The following ZNF26 variants were observed in gnomAD, a reference collection of about 807,000 sequenced individuals.
The protein encoded by ZNF26 is epididymis luminal protein 179.
In ZNF26, 32 loss-of-function variants were observed where a neutral mutation model predicts 54.9. The observed-to-expected ratio is 0.58, with a 90% confidence interval of 0.44 to 0.78. ZNF26 has a LOEUF of 0.78. Among genes scored for constraint, ZNF26 ranks in the 30% least tolerant of loss-of-function variants. The pLI, the probability that ZNF26 is intolerant of heterozygous loss-of-function variation, is 0.00. For missense variants in ZNF26, 524 were observed against 634.0 expected (o/e 0.83, Z 1.86); for synonymous variants, 221 against 209.2 (o/e 1.06, Z -0.49).
Position 133,014,293 on chromosome 12 carries a change from A to G in ZNF26, c.*2812A>G, listed in dbSNP as rs940926878. 1 of 152,336 alleles carries G rather than the reference A, an allele frequency of 6.6e-6. No individual in the cohort carries two copies. The highest frequency in any genetic ancestry group is 2.4e-5 in the African/African-American group (1 of 41,442). The allele number at this position is 152,336 out of a possible 1,614,324, so 9.4% of individuals were successfully genotyped here. ...CTGGTTACAGCGGTGCACACCTGCA[A>G]TCCCAGCTACTCAGGAGGTTGAGGC... On this transcript the variant is annotated 3_prime_UTR_variant, in exon 4 of 4. Transcript: ENST00000328654.
At chr12:132,987,146 A>G (rs1262806649) in intron 1 of ZNF26, among the ~76,000 whole-genome samples, 2 of 152,066 alleles carry the variant, frequency 1.3e-5, no homozygotes, top group East Asian at 3.9e-4. Flanking sequence ...CCATCATTTC[A>G]TGTTTTCTAC....
chr12:132,986,931 A>G, intron 1 of ZNF26, 58 bp downstream of exon 1: 16 of 1,542,932 alleles, frequency 1.0e-5, no homozygotes, highest in Non-Finnish European at 1.4e-5. Context: ...GGCCACGTTA[A>G]TCTCTTCAGG....
In ZNF26 at chr12:133,026,222, T is replaced by A. The variant is rs1953703287; in HGVS notation, c.*14741T>A. ...GTTCAAGCAGTTCTCTGCCTCAGCCTCCCAAGTAGCTGGGATTACAGGTGC... is the reference window on the plus strand; with the variant it reads ...GTTCAAGCAGTTCTCTGCCTCAGCCACCCAAGTAGCTGGGATTACAGGTGC... On this transcript the variant is annotated 3_prime_UTR_variant, in exon 4 of 4. Coordinates refer to ENST00000328654, the MANE Select transcript of ZNF26 (RefSeq NM_019591.4). 6.6e-6 allele frequency: 1 copy of A among 151,648 alleles called. No homozygotes were observed. The highest frequency in any genetic ancestry group is 1.5e-5 in the Non-Finnish European group (1 of 67,970). The allele number at this position is 151,648 out of a possible 1,614,324, so 9.4% of individuals were successfully genotyped here.
chr12:133,006,439 C>A, intron 1 of ZNF26: 1 of 256,270 alleles, frequency 3.9e-6, no homozygotes, highest in Non-Finnish European at 6.1e-6. Context: ...TTACCAAGGA[C>A]TCAGAACACC....
intron 1 of ZNF26, chr12:133,006,718 C>T (rs1011189521): frequency 3.9e-5 from 8 of 203,940 alleles, no homozygotes; most frequent in African/African-American, 1.9e-4. Flanking sequence ...CCTCAGCCAC[C>T]TGAGTAGCTA....
chr12:133,001,609 C>T lies in ZNF26; in HGVS notation c.34-5433C>T. The T allele has an allele frequency of 2.4e-6, 3 of 1,268,972 alleles. No homozygotes were observed. Among genetic ancestry groups the T allele is most frequent in the Non-Finnish European group, 2.1e-6 (2 of 970,392 alleles). 78.6% of individuals were successfully genotyped at this position (1,268,972 alleles called of 1,614,324 possible). A position where few individuals can be genotyped will look rare whatever the true frequency, so the allele number is the denominator to read the frequency against. ...CCCAGAAGTCCACTCACTGCCTCTT[C>T]CCCTGGGGTCTCCCTCCCTGCAGGT... On this transcript the variant is annotated intron_variant, in intron 1 of 3. Coordinates refer to ENST00000328654, the MANE Select transcript of ZNF26 (RefSeq NM_019591.4). This position sits in a 1 kb window ranked among gnomAD's most constrained non-coding sequence, Gnocchi z 4.7.
intron 1 of ZNF26, among the ~76,000 whole-genome samples, chr12:133,000,245 CTTTTA>C (rs1380624090): frequency 6.6e-6 from 1 of 151,352 alleles, no homozygotes; most frequent in Non-Finnish European, 1.5e-5. Context: ...TACTTTTATT[CTTTTA>C]TTTATTTATT....
rs1015464869 is a variant in ZNF26, at chr12:133,007,082, G to A, written c.74G>A (p.Trp25Ter). The A allele has an allele frequency of 4.3e-6, 7 of 1,613,964 alleles. No homozygotes were observed. In the Admixed American group the frequency reaches 1.2e-4, roughly 27 times the overall value. Reference sequence around the variant, plus strand: ...AAGGATATATCTATGGAGTTCACCTGGGATGAATGGCAGCTACTGGATTCT... The same window carrying A: ...AAGGATATATCTATGGAGTTCACCTAGGATGAATGGCAGCTACTGGATTCT... ...SFKDISMEFT[W>*]DEWQLLDSTQ... The change falls in exon 2 of 4, where the codon TGG becomes TAG. Residue 25 changes from tryptophan (W) to a stop codon, truncating the protein, a stop_gained. Coordinates refer to ENST00000328654, the MANE Select transcript of ZNF26 (RefSeq NM_019591.4). LOFTEE classifies it high-confidence loss of function.
intron 3 of ZNF26, among the ~76,000 whole-genome samples, chr12:133,009,027 G>A (rs896174008): frequency 1.4e-4 from 21 of 151,986 alleles, no homozygotes; most frequent in African/African-American, 4.3e-4. Context: ...ACTCACTATC[G>A]TGAAGACTGC....
chr12:133,010,333 A>G lies in ZNF26; in HGVS notation c.454A>G (p.Lys152Glu), dbSNP rs1953442184. The G allele has an allele frequency of 1.5e-5, 25 of 1,613,924 alleles. No individual in the cohort carries two copies. The highest frequency in any genetic ancestry group is 8.5e-7 in the Non-Finnish European group (1 of 1,180,016). ...AAGTTATTTAAGAAAGAATCCTGAT[A>G]AGTTTCATGGTTATGAAGAACCATA... ...SRSYLRKNPD[K>E]FHGYEEPYFL... Residue 152 changes from lysine to glutamate, a missense_variant, in exon 4 of 4, where the codon AAG becomes GAG. Lys to Glu is a moderately conservative substitution (Grantham distance 56). Transcript: ENST00000328654.
intron 3 of ZNF26, among the ~76,000 whole-genome samples, chr12:133,009,424 T>C (rs1953419522): frequency 6.6e-6 from 1 of 152,030 alleles, no homozygotes; most frequent in African/African-American, 2.4e-5. Context: ...AAACCCCATC[T>C]CTACTAAAAA....
At chr12:133,002,193 G>A (rs1406777984) in intron 1 of ZNF26, among the ~76,000 whole-genome samples, 1 of 152,112 alleles carries the variant, frequency 6.6e-6, no homozygotes, top group African/African-American at 2.4e-5. Context: ...GGAAAGTTCT[G>A]TAGTTTGCTT....
At chr12:133,004,529 A>T (rs1024327022) in intron 1 of ZNF26, 1 of 151,914 alleles carries the variant, frequency 6.6e-6, no homozygotes, top group Non-Finnish European at 1.5e-5. Flanking sequence ...TCTGTTGCCC[A>T]GTGTAAAGTG....
At chr12:132,993,027 C>CTTTTTTTTTTTTTTT (rs71079156) in intron 1 of ZNF26, among the ~76,000 whole-genome samples, 1 of 129,440 alleles carries the variant, frequency 7.7e-6, no homozygotes. Context: ...ACTAGTATTT[C>CTTTTTTTTTTTTTTT]TTTTTTTTTT....
chr12:132,995,647 A>G (rs1953063973), intron 1 of ZNF26, among the ~76,000 whole-genome samples: 1 of 151,914 alleles, frequency 6.6e-6, no homozygotes, highest in Non-Finnish European at 1.5e-5. Flanking sequence ...CAGAGACTGA[A>G]GTTTACTGTT....
chr12:133,007,262 T>TA (rs1293133767), intron 2 of ZNF26, 94 bp downstream of exon 2: 17 of 1,486,410 alleles, frequency 1.1e-5, no homozygotes, highest in Middle Eastern at 1.8e-4. Flanking sequence ...CTGAAGTGCT[T>TA]AATGATTATG....
chr12:133,020,202 C>T lies in ZNF26; in HGVS notation c.*8721C>T, dbSNP rs2137280230. ...TCTATTCAGTCATAAAAATAAAATC[C>T]TGTCATTTGCAGCAACTGGGATGGA... On this transcript the variant is annotated 3_prime_UTR_variant, in exon 4 of 4. Coordinates refer to ENST00000328654, the MANE Select transcript of ZNF26 (RefSeq NM_019591.4). 6.6e-6 allele frequency: 1 copy of T among 152,174 alleles called. No individual in the cohort carries two copies. The highest frequency in any genetic ancestry group is 1.9e-4 in the East Asian group (1 of 5,186). 9.4% of individuals were successfully genotyped at this position (152,174 alleles called of 1,614,324 possible).
intron 3 of ZNF26, among the ~76,000 whole-genome samples, chr12:133,008,018 G>T (rs1953371074): frequency 6.6e-6 from 1 of 151,972 alleles, no homozygotes; most frequent in African/African-American, 2.4e-5. Flanking sequence ...CTTTTGCGTT[G>T]TCCAGAGGGG....
chr12:133,005,658 G>C (rs2137248406), intron 1 of ZNF26: 1 of 152,310 alleles, frequency 6.6e-6, no homozygotes, highest in South Asian at 2.1e-4. Context: ...TTTAGGATTT[G>C]ATAAAGTCAT....
Sources: gnomAD v4.1 joint callset for allele counts (sites outside exome capture counted in the v4.1 genomes callset) on GRCh38, gnomAD v4.1.1 for gene constraint, Gnocchi (gnomAD v3.1) non-coding constraint, MANE v1.5 for transcripts, NCBI Gene and HGNC (gene_info 2026-07-23, HGNC 2026-07-21) for gene names.